GMCL1: variants seen among roughly 807,000 people sequenced by gnomAD.
The protein encoded by GMCL1 is germ cell-less 1, spermatogenesis associated, also known as germ cell-less protein-like 1.
A neutral mutation model predicts 75.5 loss-of-function variants in GMCL1; 54 were observed. The observed-to-expected ratio is 0.71, with a 90% CI of 0.57 to 0.90. The LOEUF is 0.90. Among genes scored for constraint, GMCL1 ranks in the 40% least tolerant of loss-of-function variants. The probability of loss-of-function intolerance (pLI) is 0.00; values close to 1 mark genes in which losing one functional copy is unlikely to be tolerated. For missense variants in GMCL1, 537 were observed against 622.7 expected, an observed-to-expected ratio of 0.86 and a Z score of 1.47; for synonymous variants, 210 against 209.6, an observed-to-expected ratio of 1.00 and a Z score of -0.02.
chr2:69,835,659 A>G (rs952905277), intron 1 of GMCL1, among the ~76,000 whole-genome samples: 4 of 151,740 alleles, frequency 2.6e-5, no homozygotes, highest in Admixed American at 1.3e-4. Context: ...CACATTTCAT[A>G]TTTTAGTAAT....
At chr2:69,867,090 A>G (rs1370340861) in intron 11 of GMCL1, among the ~76,000 whole-genome samples, 1 of 151,800 alleles carries the variant, frequency 6.6e-6, no homozygotes, top group African/African-American at 2.4e-5. Flanking sequence ...GACTACAAGA[A>G]TGCACCACCA....
chr2:69,832,619 C>T (rs980754783), intron 1 of GMCL1, among the ~76,000 whole-genome samples: 2 of 152,174 alleles, frequency 1.3e-5, no homozygotes, highest in East Asian at 1.9e-4. Context: ...ATTTTCCCTC[C>T]TTTCACTTTT....
chr2:69,880,406 C>T lies in GMCL1; in HGVS notation c.*1402C>T, dbSNP rs1460176176. On this transcript the variant is annotated 3_prime_UTR_variant, in exon 14 of 14. Transcript: ENST00000282570. ...TTTTTTAATGATATGCCCATAGGTT[C>T]ATAAATTGCTTTTGTTCTTTTAAAA... is the stretch of plus-strand genomic sequence containing the variant. 6.6e-6 allele frequency: 1 copy of T among 151,952 alleles called. No homozygotes were observed. The highest frequency in any genetic ancestry group is 2.4e-5 in the African/African-American group (1 of 41,350). The allele number at this position is 151,952 out of a possible 1,614,324, so 9.4% of individuals were successfully genotyped here. A position where few individuals can be genotyped will look rare whatever the true frequency, so the allele number is the denominator to read the frequency against.
At chr2:69,843,049 CTTCTTTTTTTTT>C (rs1675031018) in intron 4 of GMCL1, 88 bp from the exon 5 acceptor site, 1 of 350,618 alleles carries the variant, frequency 2.9e-6, no homozygotes, top group Non-Finnish European at 4.9e-6. Context: ...TCTTTTCTTT[CTTCTTTTTTTTT>C]TTCTTTTACT....
intron 9 of GMCL1, among the ~76,000 whole-genome samples, chr2:69,860,136 G>C (rs2104012035): frequency 6.6e-6 from 1 of 152,108 alleles, no homozygotes; most frequent in African/African-American, 2.4e-5. Context: ...TGAGTAGCTG[G>C]GACTACAGGT....
intron 11 of GMCL1, among the ~76,000 whole-genome samples, chr2:69,866,886 A>G (rs1675832147): frequency 6.6e-6 from 1 of 151,762 alleles, no homozygotes; most frequent in African/African-American, 2.4e-5. Flanking sequence ...TTCTCCTACT[A>G]TACCACCTAC....
At chr2:69,830,533 T>C (rs1436330953) in intron 1 of GMCL1, among the ~76,000 whole-genome samples, 1 of 152,232 alleles carries the variant, frequency 6.6e-6, no homozygotes, top group African/African-American at 2.4e-5. Flanking sequence ...GTTGCCTTAG[T>C]ACAGACACTA....
At chr2:69,833,435 T>G (rs1195088181) in intron 1 of GMCL1, among the ~76,000 whole-genome samples, 1 of 151,894 alleles carries the variant, frequency 6.6e-6, no homozygotes, top group African/African-American at 2.4e-5. Flanking sequence ...ACCAACACAG[T>G]GAAACCCCGC....
At chr2:69,858,253 A>G (rs1378571570) in intron 9 of GMCL1, among the ~76,000 whole-genome samples, 3 of 152,180 alleles carry the variant, frequency 2.0e-5, no homozygotes, top group African/African-American at 7.2e-5. Context: ...AGTCTTAAGC[A>G]ATGCTTCTGC....
chr2:69,869,788 A>G lies in GMCL1; in HGVS notation c.1288A>G (p.Ile430Val), dbSNP rs1180837340. 2 of 1,614,020 alleles carry G rather than the reference A, an allele frequency of 1.2e-6. No individual in the cohort carries two copies. Among genetic ancestry groups the G allele is most frequent in the Non-Finnish European group, 1.7e-6 (2 of 1,179,982 alleles). ...LLVTYTNRYI[I>V]FKRNTLNQPC... ...TGTAACTTACACCAATCGATACATCATTTTCAAACGCAATACACTGAATCA... is the reference window on the plus strand; with the variant it reads ...TGTAACTTACACCAATCGATACATCGTTTTCAAACGCAATACACTGAATCA... Residue 430 changes from isoleucine to valine, a missense_variant, in exon 12 of 14, where the codon ATT (isoleucine) becomes GTT (valine). Ile to Val is a conservative substitution (Grantham distance 29). Coordinates refer to ENST00000282570, the MANE Select transcript of GMCL1 (RefSeq NM_178439.5).
At chr2:69,859,322 A>AATATAT (rs34562235) in intron 9 of GMCL1, among the ~76,000 whole-genome samples, 3 of 149,328 alleles carry the variant, frequency 2.0e-5, no homozygotes, top group African/African-American at 7.4e-5. Context: ...ATCAGCTTTA[A>AATATAT]ATATATATAT....
chr2:69,874,882 C>T (rs1676081794), intron 13 of GMCL1, among the ~76,000 whole-genome samples: 1 of 151,886 alleles, frequency 6.6e-6, no homozygotes, highest in Non-Finnish European at 1.5e-5. Flanking sequence ...GCTGAGACTA[C>T]AGGCTCGCAC....
Position 69,872,962 on chromosome 2 carries a change from C to G in GMCL1, c.1452+1130C>G, listed in dbSNP as rs193065903. Among the ~76,000 whole-genome samples, 89 of 152,300 alleles carry G rather than the reference C, an allele frequency of 5.8e-4. 1 individual carries two copies. The highest frequency in any genetic ancestry group is 7.3e-5 in the Non-Finnish European group (5 of 68,042). On this transcript the variant is annotated intron_variant, in intron 13 of 13. Coordinates refer to ENST00000282570, the MANE Select transcript of GMCL1 (RefSeq NM_178439.5). ...TTGTGTCCCCACCATGTGCTTGGTT[C>G]TCAGCTAGAAGTAGAAGAAATAAAG...
At chr2:69,845,196 T>G (rs1282106813) in intron 6 of GMCL1, among the ~76,000 whole-genome samples, 1 of 152,182 alleles carries the variant, frequency 6.6e-6, no homozygotes, top group Non-Finnish European at 1.5e-5. Context: ...GCTCCTGCAG[T>G]CAACTGCGCC....
intron 13 of GMCL1, among the ~76,000 whole-genome samples, chr2:69,872,732 A>G (rs1178704003): frequency 5.9e-5 from 9 of 152,238 alleles, no homozygotes; most frequent in African/African-American, 1.2e-4. Flanking sequence ...CAAGGCAGGT[A>G]TATAATGAGA....
chr2:69,854,370 T>A (rs1675410569), intron 8 of GMCL1, among the ~76,000 whole-genome samples: 2 of 152,228 alleles, frequency 1.3e-5, no homozygotes, highest in African/African-American at 4.8e-5. Context: ...TTAACTAGTG[T>A]TCATTACATG....
intron 10 of GMCL1, among the ~76,000 whole-genome samples, chr2:69,862,192 T>C (rs2054045): frequency 0.071 from 10,775 of 152,212 alleles, 1,013 homozygotes; most frequent in Admixed American, 0.22. Context: ...CTTCTTAATA[T>C]ATAGGTATTG....
chr2:69,847,718 A>G, intron 7 of GMCL1, 91 bp downstream of exon 7: 1 of 693,200 alleles, frequency 1.4e-6, no homozygotes. Flanking sequence ...TCCAGTAATA[A>G]AGGGATGGTT....
chr2:69,876,179 A>C (rs1343875205), intron 13 of GMCL1, among the ~76,000 whole-genome samples: 2 of 152,234 alleles, frequency 1.3e-5, no homozygotes, highest in African/African-American at 4.8e-5. Context: ...AAGATATGAT[A>C]ATGGCAATAA....
Sources: gnomAD v4.1 joint callset for allele counts (sites outside exome capture counted in the v4.1 genomes callset) on GRCh38, gnomAD v4.1.1 for gene constraint, MANE v1.5 for transcripts, NCBI Gene and HGNC (gene_info 2026-07-23, HGNC 2026-07-21) for gene names.